The following RMDN1 variants were observed in gnomAD, a reference collection of about 807,000 sequenced individuals.
RMDN1 encodes the protein regulator of microtubule dynamics 1.
RMDN1 carries 48 observed loss-of-function variants against 48.9 expected under a neutral mutation model. The ratio of observed to expected loss-of-function variants is 0.98; its 90% confidence interval spans 0.78 to 1.25. RMDN1 has a LOEUF of 1.25. RMDN1 is among the 50% of genes most tolerant of loss of function. RMDN1 has a pLI of 0.00. For missense variants in RMDN1, 418 were observed against 373.4 expected, an observed-to-expected ratio of 1.12 and a Z score of -0.98; for synonymous variants, 148 against 132.6, an observed-to-expected ratio of 1.12 and a Z score of -0.80.
At chr8:86,505,126 G>C (rs1263673370) in intron 2 of RMDN1, 3 of 1,310,050 alleles carry the variant, frequency 2.3e-6, no homozygotes, top group South Asian at 1.4e-5. Flanking sequence ...CTGAATGAGA[G>C]ACCTCATCAG....
chr8:86,474,908 G>C lies in RMDN1; in HGVS notation c.806C>G (p.Thr269Arg), dbSNP rs753287607. The C allele has an allele frequency of 6.2e-6, 10 of 1,611,674 alleles. No homozygotes were observed. Among genetic ancestry groups the C allele is most frequent in the Non-Finnish European group, 6.8e-6 (8 of 1,179,084 alleles). Residue 269 changes from threonine to arginine, a missense_variant, in exon 9 of 10, where the codon ACA (threonine) becomes AGA (arginine). Transcript: ENST00000406452. ...YSKNLLLLGK[T>R]YLKLHNKKLA... Reference sequence around the variant, plus strand: ...CTTTTTGTTGTGTAGTTTCAAGTATGTCTTTCCTAAAAGAAGTAAGTTTTT... The same window carrying C: ...CTTTTTGTTGTGTAGTTTCAAGTATCTCTTTCCTAAAAGAAGTAAGTTTTT...
intron 2 of RMDN1, among the ~76,000 whole-genome samples, chr8:86,491,358 T>C (rs562589966): frequency 5.9e-5 from 9 of 152,190 alleles, no homozygotes; most frequent in African/African-American, 2.2e-4. Context: ...ATGGCTTTGA[T>C]GTCTTGACCT....
intron 2 of RMDN1, chr8:86,503,942 T>C (rs1818839034): frequency 1.3e-6 from 1 of 750,150 alleles, no homozygotes; most frequent in Non-Finnish European, 2.5e-6. Flanking sequence ...ATGCTGACCC[T>C]GGGCTGCTTG....
chr8:86,507,701 A>G (rs1032150463), intron 1 of RMDN1, among the ~76,000 whole-genome samples: 7 of 152,138 alleles, frequency 4.6e-5, no homozygotes, highest in Non-Finnish European at 8.8e-5. Flanking sequence ...CTAGTTTCAT[A>G]CTTAGAACTC....
In RMDN1 at chr8:86,480,277, C is replaced by G; in HGVS notation, c.641G>C (p.Trp214Ser). The change falls in exon 6 of 10, where the codon TGG (tryptophan) becomes TCG (serine). Residue 214 changes from tryptophan to serine, a missense_variant and splice_region_variant. Transcript: ENST00000406452. Reference sequence around the variant, plus strand: ...GAAATATTTAAAGAAATTTTCTTACCAAATACCCATAAGGTGAATTGAAGT... The same window carrying G: ...GAAATATTTAAAGAAATTTTCTTACGAAATACCCATAAGGTGAATTGAAGT... ...DATSIHLMGI[W>S]CYTFAEMPWY... 1 of 1,507,090 alleles carries G rather than the reference C, an allele frequency of 6.6e-7. No individual in the cohort carries two copies. Among genetic ancestry groups the G allele is most frequent in the Non-Finnish European group, 9.0e-7 (1 of 1,107,418 alleles). 93.4% of individuals were successfully genotyped at this position (1,507,090 alleles called of 1,614,324 possible). A position where few individuals can be genotyped will look rare whatever the true frequency, so the allele number is the denominator to read the frequency against.
chr8:86,488,693 G>T, intron 2 of RMDN1, 54 bp from the exon 3 acceptor site: 1 of 1,209,378 alleles, frequency 8.3e-7, no homozygotes, highest in Non-Finnish European at 1.2e-6. Context: ...TCCCAAGTCA[G>T]ATGACAATAA....
At chr8:86,482,653 T>C in intron 5 of RMDN1, 1 of 801,606 alleles carries the variant, frequency 1.2e-6, no homozygotes, top group Non-Finnish European at 2.3e-6. Flanking sequence ...GCTTCCACAT[T>C]GAGCGCAGTC....
chr8:86,482,598 A>G (rs1227037476), intron 5 of RMDN1: 2 of 756,062 alleles, frequency 2.6e-6, no homozygotes, highest in Non-Finnish European at 2.5e-6. Context: ...TTTTGTGACA[A>G]CTGCCTCCCA....
chr8:86,482,907 A>C, intron 5 of RMDN1: 2 of 965,264 alleles, frequency 2.1e-6, no homozygotes, highest in Non-Finnish European at 3.4e-6. Context: ...GACCTCTGAT[A>C]CATCTGGCTG....
downstream of RMDN1, among the ~76,000 whole-genome samples, chr8:86,469,169 T>C (rs1466993439): frequency 7.0e-6 from 1 of 143,062 alleles, no homozygotes; most frequent in Non-Finnish European, 1.5e-5. Context: ...CAGTGTTTTT[T>C]TTGTTTGTTT....
Position 86,480,281 on chromosome 8 carries a change from T to C in RMDN1, c.637A>G (p.Ile213Val), listed in dbSNP as rs780054722. Residue 213 changes from isoleucine (I) to valine (V), a missense_variant, in exon 6 of 10, where the codon ATT becomes GTT. Coordinates refer to ENST00000406452, the MANE Select transcript of RMDN1 (RefSeq NM_016033.3). ...TATTTAAAGAAATTTTCTTACCAAA[T>C]ACCCATAAGGTGAATTGAAGTAGCA... ...KDATSIHLMG[I>V]WCYTFAEMPW... 2 of 1,513,900 alleles carry C rather than the reference T, an allele frequency of 1.3e-6. No homozygotes were observed. The highest frequency in any genetic ancestry group is 1.4e-5 in the African/African-American group (1 of 72,440). The allele number at this position is 1,513,900 out of a possible 1,614,324, so 93.8% of individuals were successfully genotyped here.
chr8:86,504,612 T>C, intron 2 of RMDN1: 2 of 947,666 alleles, frequency 2.1e-6, no homozygotes, highest in Non-Finnish European at 3.5e-6. Context: ...GAGGGATGGC[T>C]TTTTGTTCCA....
chr8:86,503,854 T>A, intron 2 of RMDN1: 1 of 612,806 alleles, frequency 1.6e-6, no homozygotes, highest in Non-Finnish European at 3.1e-6. Context: ...CAGGTGCAAT[T>A]CAATGCTTAT....
rs1812791939 is a variant in RMDN1, at chr8:86,473,006, T to G, written c.*1302A>C. 2.3e-6 allele frequency: 1 copy of G among 443,122 alleles called. No homozygotes were observed. The highest frequency in any genetic ancestry group is 3.0e-6 in the Non-Finnish European group (1 of 334,900). The allele number at this position is 443,122 out of a possible 1,614,324, so 27.4% of individuals were successfully genotyped here. On this transcript the variant is annotated 3_prime_UTR_variant, in exon 10 of 10. Coordinates refer to ENST00000406452, the MANE Select transcript of RMDN1 (RefSeq NM_016033.3). ...TCTCCAAGATATCTTATTGTGTGTA[T>G]GCAGGTATTCCAAAATTTGGAAAAA...
chr8:86,511,771 C>T (rs1820055030), upstream of RMDN1, among the ~76,000 whole-genome samples: 1 of 150,656 alleles, frequency 6.6e-6, no homozygotes, highest in Non-Finnish European at 1.5e-5. Flanking sequence ...CGTATTCGCA[C>T]CACTGCATCC....
rs547524586 is a variant in RMDN1 at position 86,504,273 on chromosome 8, G to A, written c.247+2722C>T. On this transcript the variant is annotated intron_variant, in intron 2 of 9. Coordinates refer to ENST00000406452, the MANE Select transcript of RMDN1 (RefSeq NM_016033.3). Reference sequence around the variant, plus strand: ...CTAAGTAGATCCTCCAGCAGTTGTGGGGCACCCAGGATGTATCCCAAGACA... The same window carrying A: ...CTAAGTAGATCCTCCAGCAGTTGTGAGGCACCCAGGATGTATCCCAAGACA... 29 of 1,573,578 alleles carry A rather than the reference G, an allele frequency of 1.8e-5. No individual in the cohort carries two copies. In the South Asian group the frequency reaches 3.2e-4, roughly 17 times the overall value.
intron 7 of RMDN1, chr8:86,478,308 CAGAA>C (rs1563588619): frequency 6.6e-6 from 1 of 151,860 alleles, no homozygotes; most frequent in Non-Finnish European, 1.5e-5. Flanking sequence ...TATAGCTTCC[CAGAA>C]AGAAAAAAAA....
At chr8:86,508,242 C>T in intron 1 of RMDN1, 1 of 434,342 alleles carries the variant, frequency 2.3e-6, no homozygotes, top group Non-Finnish European at 4.1e-6. Flanking sequence ...ACAAGAAGGG[C>T]GGGTAGCAGG....
chr8:86,510,989 TTTTTTG>T (rs1016349618), upstream of RMDN1, among the ~76,000 whole-genome samples: 12 of 83,816 alleles, frequency 1.4e-4, no homozygotes, highest in African/African-American at 3.9e-4. Context: ...TTGTTGTTTG[TTTTTTG>T]TTTTTGTTTT....
Sources: gnomAD v4.1 joint callset for allele counts (sites outside exome capture counted in the v4.1 genomes callset) on GRCh38, gnomAD v4.1.1 for gene constraint, MANE v1.5 for transcripts, NCBI Gene and HGNC (gene_info 2026-07-23, HGNC 2026-07-21) for gene names.